The following RNF150 variants were observed in gnomAD, a reference collection of about 807,000 sequenced individuals.
The protein encoded by RNF150 is ring finger protein 150.
Under a neutral mutation model 39.3 loss-of-function variants are expected in RNF150, and 24 were observed. The ratio of observed to expected loss-of-function variants is 0.61; its 90% CI spans 0.44 to 0.86. The LOEUF is 0.86. RNF150 is among the 40% of genes least tolerant of loss of function. RNF150 has a pLI of 0.00. For synonymous variants in RNF150, 255 were observed against 227.3 expected (o/e 1.12, Z -1.10); for missense variants, 502 against 587.8 (o/e 0.85, Z 1.51).
At chr4:141,184,713 T>C (rs545580025) in intron 1 of RNF150, among the ~76,000 whole-genome samples, 2 of 152,348 alleles carry the variant, frequency 1.3e-5, no homozygotes, top group Middle Eastern at 3.4e-3. Context: ...GATTCAATTG[T>C]CTGCATATAG....
intron 1 of RNF150, among the ~76,000 whole-genome samples, chr4:141,015,998 C>T (rs908682008): frequency 3.3e-5 from 5 of 152,150 alleles, no homozygotes; most frequent in Non-Finnish European, 7.3e-5. Flanking sequence ...ACACTCTCCA[C>T]GTCCTGAATT....
At position 141,132,657 on chromosome 4, in the gene RNF150, G is replaced by T. The variant is rs753018902; in HGVS notation, c.152C>A (p.Pro51His). Residue 51 changes from proline to histidine, a missense_variant, in exon 1 of 7, where the codon CCC becomes CAC. Coordinates refer to ENST00000515673, the MANE Select transcript of RNF150 (RefSeq NM_020724.2). The surrounding 1 kb of genome is among the most constrained non-coding windows in gnomAD (Gnocchi z 4.9). ...CGCCCCGGCCCCGGGGTCCGGCGCGGGCTCGGCGTAGGTGATGTTCACGAA... is the reference window on the plus strand; with the variant it reads ...CGCCCCGGCCCCGGGGTCCGGCGCGTGCTCGGCGTAGGTGATGTTCACGAA... The part of the protein sequence containing the change: ...TAFVNITYAE[P>H]APDPGAGAAG... 4 of 1,603,168 alleles carry T rather than the reference G, an allele frequency of 2.5e-6. No homozygotes were observed. The African/African-American group carries it at 5.4e-5, about 22-fold the overall frequency.
At chr4:141,107,653 T>C (rs1004125423) in intron 1 of RNF150, among the ~76,000 whole-genome samples, 10 of 152,214 alleles carry the variant, frequency 6.6e-5, no homozygotes, top group Non-Finnish European at 1.3e-4. Context: ...TCATGAGGTC[T>C]GCTACATCAT....
chr4:141,001,156 T>C (rs73858698), intron 1 of RNF150, among the ~76,000 whole-genome samples: 11,418 of 152,242 alleles, frequency 0.075, 473 homozygotes, highest in Middle Eastern at 0.16. Flanking sequence ...GATTATCTTC[T>C]CATTTATGCC....
intron 6 of RNF150, among the ~76,000 whole-genome samples, chr4:140,904,216 G>A (rs1730293221): frequency 6.6e-6 from 1 of 152,172 alleles, no homozygotes; most frequent in Admixed American, 6.5e-5. Context: ...CACGTTAAGA[G>A]TCACGGAAAT....
At chr4:141,114,855 G>C (rs953703564) in intron 1 of RNF150, among the ~76,000 whole-genome samples, 2 of 152,036 alleles carry the variant, frequency 1.3e-5, no homozygotes, top group Non-Finnish European at 2.9e-5. Flanking sequence ...AAATCAATAA[G>C]TGTAATTCAT....
intron 1 of RNF150, among the ~76,000 whole-genome samples, chr4:141,068,290 A>T (rs1020194767): frequency 1.3e-5 from 2 of 152,176 alleles, no homozygotes; most frequent in Admixed American, 1.3e-4. Context: ...TATCACTCAA[A>T]TTATATAGCA....
intron 1 of RNF150, among the ~76,000 whole-genome samples, chr4:141,176,963 C>A (rs181694835): frequency 5.5e-4 from 83 of 151,176 alleles, no homozygotes; most frequent in Non-Finnish European, 1.0e-3. Flanking sequence ...CACCTGTAAT[C>A]CCAGCATTTT....
intron 1 of RNF150, among the ~76,000 whole-genome samples, chr4:141,130,557 A>G (rs1364956879): frequency 1.3e-5 from 2 of 152,216 alleles, no homozygotes; most frequent in Non-Finnish European, 2.9e-5. Flanking sequence ...ATGTGTTGGC[A>G]GTTCTAGAGA....
At chr4:140,949,490 G>T in intron 2 of RNF150, 118 bp from the exon 3 acceptor site, 1 of 824,400 alleles carries the variant, frequency 1.2e-6, no homozygotes, top group Non-Finnish European at 2.0e-6. Flanking sequence ...TGGTATGAAT[G>T]CTAGCAATGA....
intron 1 of RNF150, among the ~76,000 whole-genome samples, chr4:141,082,574 G>A (rs1394475809): frequency 6.7e-6 from 1 of 150,372 alleles, no homozygotes; most frequent in African/African-American, 2.5e-5. Flanking sequence ...AATACAGGAT[G>A]AAATTATTTT....
chr4:141,087,346 G>A (rs1304456442), intron 1 of RNF150, among the ~76,000 whole-genome samples: 1 of 152,112 alleles, frequency 6.6e-6, no homozygotes, highest in Non-Finnish European at 1.5e-5. Context: ...ATATTCCATG[G>A]TGTATATATA....
At chr4:140,900,166 T>C (rs2111248650) in intron 6 of RNF150, among the ~76,000 whole-genome samples, 1 of 152,296 alleles carries the variant, frequency 6.6e-6, no homozygotes, top group South Asian at 2.1e-4. Context: ...AAAAAGATCA[T>C]CAAGACCTAG....
At chr4:141,174,235 T>C (rs1051056566) in intron 1 of RNF150, among the ~76,000 whole-genome samples, 1 of 152,212 alleles carries the variant, frequency 6.6e-6, no homozygotes, top group Non-Finnish European at 1.5e-5. Context: ...AGTTCCCTTC[T>C]TTAAGAAACA....
chr4:141,036,567 A>G (rs1464095369), intron 1 of RNF150, among the ~76,000 whole-genome samples: 1 of 152,176 alleles, frequency 6.6e-6, no homozygotes, highest in Admixed American at 6.5e-5. Context: ...ATGGGTAATA[A>G]CGTGTTCCTG....
intron 6 of RNF150, among the ~76,000 whole-genome samples, chr4:140,880,209 A>G (rs1040071798): frequency 1.4e-4 from 22 of 152,272 alleles, no homozygotes; most frequent in African/African-American, 4.8e-4. Context: ...TTATAAAAGC[A>G]TGTTGAATTT....
intron 1 of RNF150, among the ~76,000 whole-genome samples, chr4:141,122,140 C>T (rs1389476641): frequency 2.6e-5 from 4 of 152,124 alleles, no homozygotes; most frequent in South Asian, 2.1e-4. Flanking sequence ...ACTTGCCAAC[C>T]GAAAAGCCAA....
At position 140,863,543 on chromosome 4, in the gene RNF150, C is replaced by T. The variant is rs1341371062; in HGVS notation, c.*4718G>A. On this transcript the variant is annotated 3_prime_UTR_variant, in exon 7 of 7. Transcript: ENST00000515673. ...AATGACTCTGTAGGTATAGAACCTC[C>T]AGTTTTTTGTGTTCTGAAGGTTATT... is the stretch of plus-strand genomic sequence containing the variant. The T allele has an allele frequency of 6.6e-6, 1 of 152,082 alleles. No individual in the cohort carries two copies. The highest frequency in any genetic ancestry group is 2.4e-5 in the African/African-American group (1 of 41,396). 9.4% of individuals were successfully genotyped at this position (152,082 alleles called of 1,614,324 possible). A position where few individuals can be genotyped will look rare whatever the true frequency, so the allele number is the denominator to read the frequency against.
chr4:141,002,958 G>A (rs1025670339), intron 1 of RNF150, among the ~76,000 whole-genome samples: 9 of 152,114 alleles, frequency 5.9e-5, no homozygotes, highest in Non-Finnish European at 1.2e-4. Flanking sequence ...TACAGCTAGT[G>A]CCTATAGCAC....
Sources: allele counts gnomAD v4.1 joint callset (sites outside exome capture counted in the v4.1 genomes callset), GRCh38; gene constraint gnomAD v4.1.1; non-coding constraint Gnocchi (gnomAD v3.1); transcripts MANE v1.5; gene names NCBI Gene and HGNC (gene_info 2026-07-23, HGNC 2026-07-21).